Variants in MYRFL observed in about 807,000 individuals in gnomAD.
MYRFL encodes myelin regulatory factor like.
MYRFL carries 88 observed loss-of-function variants against 109.4 expected under a neutral mutation model. That is an observed-to-expected ratio of 0.80 (90% confidence interval 0.68 to 0.96). The LOEUF (loss-of-function observed/expected upper bound fraction) is 0.96, where lower values mean the gene tolerates loss of function less well. MYRFL is among the 40% of genes least tolerant of loss of function. The probability of loss-of-function intolerance (pLI) is 0.00; values close to 1 mark genes in which losing one functional copy is unlikely to be tolerated. For synonymous variants in MYRFL, 324 were observed against 320.9 expected, an observed-to-expected ratio of 1.01 and a Z score of -0.10; for missense variants, 957 against 954.9, an observed-to-expected ratio of 1.00 and a Z score of -0.03.
At chr12:69,915,817 A>G (rs1017583970) in intron 13 of MYRFL, among the ~76,000 whole-genome samples, 8 of 151,904 alleles carry the variant, frequency 5.3e-5, no homozygotes, top group East Asian at 3.9e-4. Flanking sequence ...TTGTTCATCT[A>G]TCTCTTTATT....
Position 69,903,847 on chromosome 12 carries a change from G to A in MYRFL, c.1383+3G>A. On this transcript the variant is annotated splice_donor_region_variant and intron_variant, in intron 11 of 24. Transcript: ENST00000552032. ...GGGCAAAGCAGAATATCCAGGAGGTGAGCACAGATTCAGGCCCTGGGCCCC... is the reference window on the plus strand; with the variant it reads ...GGGCAAAGCAGAATATCCAGGAGGTAAGCACAGATTCAGGCCCTGGGCCCC... 5 of 1,523,096 alleles carry A rather than the reference G, an allele frequency of 3.3e-6. No homozygotes were observed. Among genetic ancestry groups the A allele is most frequent in the Non-Finnish European group, 3.5e-6 (4 of 1,138,388 alleles). The allele number at this position is 1,523,096 out of a possible 1,614,324, so 94.3% of individuals were successfully genotyped here. A position where few individuals can be genotyped will look rare whatever the true frequency, so the allele number is the denominator to read the frequency against.
rs918218889 is a variant in MYRFL, at chr12:69,886,870, C to G, written c.607C>G (p.Gln203Glu). 26 of 1,535,778 alleles carry G rather than the reference C, an allele frequency of 1.7e-5. No individual in the cohort carries two copies. In the African/African-American group the frequency reaches 3.4e-4, roughly 20 times the overall value. Residue 203 changes from glutamine to glutamate, a missense_variant, in exon 6 of 25, where the codon CAG becomes GAG. Physicochemically the swap from Gln to Glu is conservative, Grantham distance 29. Transcript: ENST00000552032. The stretch of plus-strand genomic sequence containing the variant: ...AGTCCAGGACCCTGACAGTGAGGGA[C>G]AGAACAGAATGCCTACAGACCAGTG... ...SEVQDPDSEG[Q>E]NRMPTDQCSP... is the part of the protein sequence containing the mutation.
chr12:69,921,810 A>G (rs1954924210), intron 13 of MYRFL, among the ~76,000 whole-genome samples: 1 of 152,198 alleles, frequency 6.6e-6, no homozygotes, highest in South Asian at 2.1e-4. Context: ...TTTTATCATT[A>G]TTGACAAGTA....
rs575679386 is a variant in MYRFL at position 69,882,216 on chromosome 12, C to G, written c.556+1924C>G. Among the ~76,000 whole-genome samples the G allele has an allele frequency of 4.6e-5, 7 of 152,194 alleles. No individual in the cohort carries two copies. In the South Asian group the frequency reaches 1.5e-3, roughly 32 times the overall value. On this transcript the variant is annotated intron_variant, in intron 5 of 24. Coordinates refer to ENST00000552032, the MANE Select transcript of MYRFL (RefSeq NM_182530.3). ...CTATATCCCTTGTTTAAGTCCTATT[C>G]ACAGGTCACTGAAAAGCTGACTAAA... is the stretch of plus-strand genomic sequence containing the variant.
intron 15 of MYRFL, among the ~76,000 whole-genome samples, chr12:69,930,747 G>A (rs1357919123): frequency 6.6e-6 from 1 of 151,274 alleles, no homozygotes; most frequent in Admixed American, 6.6e-5. Flanking sequence ...AGGTGGTAGA[G>A]GCTGCAGTGA....
chr12:69,928,427 G>A (rs1955166756), intron 15 of MYRFL, among the ~76,000 whole-genome samples: 1 of 152,162 alleles, frequency 6.6e-6, no homozygotes, highest in Non-Finnish European at 1.5e-5. Context: ...CCCAAAGGTG[G>A]CCCTTCCCTG....
chr12:69,871,390 C>T (rs554815141), intron 2 of MYRFL, among the ~76,000 whole-genome samples: 1 of 151,974 alleles, frequency 6.6e-6, no homozygotes, highest in South Asian at 2.1e-4. Flanking sequence ...CCACCATGCC[C>T]GGCTAATTTT....
Position 69,958,552 on chromosome 12 carries a change from T to C in MYRFL, c.*21T>C, listed in dbSNP as rs1316493292. On this transcript the variant is annotated 3_prime_UTR_variant, in exon 25 of 25. Transcript: ENST00000552032. ...CCTAATTTGTTCAAGTTTGGGGACT[T>C]TACCAAAGAAAAATACTCAGGAATA... The C allele has an allele frequency of 6.7e-7, 1 of 1,491,150 alleles. No individual in the cohort carries two copies. The highest frequency in any genetic ancestry group is 1.4e-5 in the African/African-American group (1 of 71,322). The allele number at this position is 1,491,150 out of a possible 1,614,324, so 92.4% of individuals were successfully genotyped here.
chr12:69,867,880 G>A (rs149836779), intron 2 of MYRFL, among the ~76,000 whole-genome samples: 72 of 152,300 alleles, frequency 4.7e-4, no homozygotes, highest in Non-Finnish European at 8.4e-4. Context: ...TGAAGAAGAA[G>A]ACTGGGCTAA....
intron 9 of MYRFL, 149 bp downstream of exon 9, chr12:69,895,630 T>A: frequency 1.6e-6 from 1 of 621,274 alleles, no homozygotes; most frequent in South Asian, 2.0e-5. Flanking sequence ...ACTCTCAGTT[T>A]ATTAACATTT....
intron 13 of MYRFL, among the ~76,000 whole-genome samples, chr12:69,924,933 C>T (rs1336258969): frequency 6.6e-6 from 1 of 152,192 alleles, no homozygotes; most frequent in Non-Finnish European, 1.5e-5. Context: ...TCCATTCTTA[C>T]TGAGCATTTC....
At chr12:69,937,561 G>A (rs1006570172) in intron 19 of MYRFL, among the ~76,000 whole-genome samples, 2 of 152,170 alleles carry the variant, frequency 1.3e-5, no homozygotes, top group African/African-American at 4.8e-5. Context: ...AAAAGAACAA[G>A]GCAAATTATG....
intron 1 of MYRFL, among the ~76,000 whole-genome samples, chr12:69,834,578 A>T (rs1421995315): frequency 6.6e-6 from 1 of 152,246 alleles, no homozygotes; most frequent in African/African-American, 2.4e-5. Context: ...AAATGACAGA[A>T]TAAATGGTAG....
In MYRFL at chr12:69,879,399, C is replaced by CTGGGGGGA; in HGVS notation, c.410_411insTGGGGGGA (p.His138GlyfsTer7). On this transcript the variant is annotated frameshift_variant, in exon 4 of 25. Coordinates refer to ENST00000552032, the MANE Select transcript of MYRFL (RefSeq NM_182530.3). LOFTEE classifies it high-confidence loss of function. ...ACCCCCCTGGACCAATCCGTGTCCT[C>CTGGGGGGA]CCATCTGGGGATAGGTTGTTCTTAC... The CTGGGGGGA allele has an allele frequency of 1.4e-6, 1 of 702,894 alleles. No homozygotes were observed. Among genetic ancestry groups the CTGGGGGGA allele is most frequent in the Non-Finnish European group, 2.6e-6 (1 of 384,834 alleles). 43.5% of individuals were successfully genotyped at this position (702,894 alleles called of 1,614,324 possible).
chr12:69,934,670 A>G (rs1644116731), intron 16 of MYRFL, among the ~76,000 whole-genome samples: 1 of 152,188 alleles, frequency 6.6e-6, no homozygotes, highest in African/African-American at 2.4e-5. Context: ...AGGGGAGCTG[A>G]AAAAGGGACA....
chr12:69,852,069 A>G (rs929271126), intron 1 of MYRFL, among the ~76,000 whole-genome samples: 1 of 152,234 alleles, frequency 6.6e-6, no homozygotes, highest in Non-Finnish European at 1.5e-5. Context: ...CTTGGGAGAA[A>G]TAGTTGAATT....
At chr12:69,913,889 AGT>A (rs1954653778) in intron 13 of MYRFL, among the ~76,000 whole-genome samples, 2 of 152,210 alleles carry the variant, frequency 1.3e-5, no homozygotes, top group Admixed American at 6.5e-5. Flanking sequence ...CACTTTGGGT[AGT>A]GTTGACATTG....
chr12:69,833,828 CTTT>C (rs11300053), intron 1 of MYRFL, among the ~76,000 whole-genome samples: 3 of 113,890 alleles, frequency 2.6e-5, no homozygotes, highest in East Asian at 2.6e-4. Flanking sequence ...ATAGGGCTTG[CTTT>C]TTTTTTTTTT....
At chr12:69,945,884 G>A (rs369539130) in intron 19 of MYRFL, among the ~76,000 whole-genome samples, 70 of 145,708 alleles carry the variant, frequency 4.8e-4, no homozygotes, top group African/African-American at 1.7e-3. Context: ...CTACTTGGGA[G>A]GCTGAGGCAG....
Sources: allele counts gnomAD v4.1 joint callset (sites outside exome capture counted in the v4.1 genomes callset), GRCh38; gene constraint gnomAD v4.1.1; transcripts MANE v1.5; gene names NCBI Gene and HGNC (gene_info 2026-07-23, HGNC 2026-07-21).